EXOC6: variants seen among roughly 807,000 people sequenced by gnomAD.
The protein encoded by EXOC6 is SEC15-like 1.
In EXOC6, 60 loss-of-function variants were observed where a neutral mutation model predicts 112.5. The observed-to-expected ratio is 0.53, with a 90% confidence interval of 0.43 to 0.66. EXOC6 has a LOEUF of 0.66. Among genes scored for constraint, EXOC6 ranks in the 30% least tolerant of loss-of-function variants. The probability of loss-of-function intolerance (pLI) is 0.00; values close to 1 mark genes in which losing one functional copy is unlikely to be tolerated. For missense variants in EXOC6, 855 were observed against 957.1 expected (o/e 0.89, Z 1.41); for synonymous variants, 295 against 308.0 (o/e 0.96, Z 0.44).
intron 13 of EXOC6, among the ~76,000 whole-genome samples, chr10:92,942,546 G>A (rs1852724951): frequency 6.6e-6 from 1 of 152,082 alleles, no homozygotes; most frequent in South Asian, 2.1e-4. Flanking sequence ...TGACAGTCCT[G>A]ATGAGTCATA....
exon 1 of EXOC6, chr10:92,834,720 A>G: frequency 6.3e-7 from 1 of 1,594,224 alleles, no homozygotes; most frequent in Non-Finnish European, 8.6e-7. Context: ...CAGCTGGAAA[A>G]TTAGGGGCCT....
intron 18 of EXOC6, among the ~76,000 whole-genome samples, chr10:92,985,181 G>A (rs1427270759): frequency 6.6e-6 from 1 of 151,874 alleles, no homozygotes; most frequent in Non-Finnish European, 1.5e-5. Flanking sequence ...TTTCATTAGG[G>A]TAATTGCCTG....
chr10:92,837,349 G>C (rs886251866), intron 1 of EXOC6, among the ~76,000 whole-genome samples: 1 of 152,056 alleles, frequency 6.6e-6, no homozygotes, highest in Middle Eastern at 3.2e-3. Context: ...TTTCAGCAAA[G>C]AAGAGAAGGA....
intron 21 of EXOC6, among the ~76,000 whole-genome samples, 159 bp from the exon 22 acceptor site, chr10:93,058,064 T>C (rs1004596164): frequency 1.3e-5 from 2 of 152,234 alleles, no homozygotes; most frequent in Admixed American, 6.5e-5. Context: ...GCATGGTTAC[T>C]ATATCTGTAT....
intron 1 of EXOC6, among the ~76,000 whole-genome samples, chr10:92,838,419 T>C (rs1438875768): frequency 2.0e-5 from 3 of 152,234 alleles, no homozygotes; most frequent in Admixed American, 2.0e-4. Flanking sequence ...CCTTTGGCCC[T>C]CTTTTTGAAA....
At chr10:92,977,936 C>T (rs1423112262) in intron 18 of EXOC6, among the ~76,000 whole-genome samples, 2 of 152,138 alleles carry the variant, frequency 1.3e-5, no homozygotes, top group African/African-American at 2.4e-5. Flanking sequence ...CTAGATCACT[C>T]ATCTATCTGT....
intron 14 of EXOC6, among the ~76,000 whole-genome samples, 194 bp downstream of exon 14, chr10:92,948,573 C>CTACTACCACT (rs1554900785): frequency 7.1e-6 from 1 of 140,174 alleles, no homozygotes; most frequent in Non-Finnish European, 1.5e-5. Flanking sequence ...CTACTACTAC[C>CTACTACCACT]ACTACTACTA....
At chr10:93,018,468 T>C (rs888376254) in intron 20 of EXOC6, among the ~76,000 whole-genome samples, 1 of 152,216 alleles carries the variant, frequency 6.6e-6, no homozygotes, top group African/African-American at 2.4e-5. Context: ...TGGCATTCTG[T>C]TTTATTTCCT....
At chr10:92,915,486 G>A (rs1465602252) in intron 6 of EXOC6, among the ~76,000 whole-genome samples, 4 of 149,334 alleles carry the variant, frequency 2.7e-5, no homozygotes, top group South Asian at 4.2e-4. Flanking sequence ...GAGGATCACT[G>A]CAGCCTGGGG....
Position 92,889,617 on chromosome 10 carries a change from G to T in EXOC6, c.102-3732G>T, listed in dbSNP as rs79963091. On this transcript the variant is annotated intron_variant, in intron 1 of 21. Transcript: ENST00000260762. ...AAAATTCAGTTACTATGTTTATGTGGGTTTATTTCTGGTCTGTCTATTCTG... is the reference window on the plus strand; with the variant it reads ...AAAATTCAGTTACTATGTTTATGTGTGTTTATTTCTGGTCTGTCTATTCTG... Among the ~76,000 whole-genome samples the T allele has an allele frequency of 2.8e-3, 433 of 152,158 alleles. 1 individual carries two copies. The highest frequency in any genetic ancestry group is 0.01 in the African/African-American group (415 of 41,500).
chr10:92,975,762 G>T (rs1275152760), intron 18 of EXOC6, among the ~76,000 whole-genome samples: 1 of 95,734 alleles, frequency 1.0e-5, no homozygotes, highest in Non-Finnish European at 2.2e-5. Context: ...GCCCCCCGCC[G>T]GGCCAGCCGC....
Position 92,954,685 on chromosome 10 carries a change from A to G in EXOC6, c.1582A>G (p.Thr528Ala). 1 of 1,610,490 alleles carries G rather than the reference A, an allele frequency of 6.2e-7. No homozygotes were observed. The highest frequency in any genetic ancestry group is 8.5e-7 in the Non-Finnish European group (1 of 1,177,800). Residue 528 changes from threonine (T) to alanine (A), a missense_variant, in exon 16 of 22, where the codon ACT becomes GCT. By Grantham distance (58) the Thr-to-Ala change is moderately conservative. Around this residue, in one of 2 missense-constraint regions of EXOC6, gnomAD observed 450 missense variants for 563.5 expected, o/e 0.80. Coordinates refer to ENST00000260762, the MANE Select transcript of EXOC6 (RefSeq NM_019053.6). Reference sequence around the variant, plus strand: ...ATCAACAAATCTGCTGCTGACCAGAACTTTGAGTAGCTGTTTACTGAACCT... The same window carrying G: ...ATCAACAAATCTGCTGCTGACCAGAGCTTTGAGTAGCTGTTTACTGAACCT... ...RKSTNLLLTR[T>A]LSSCLLNLIR...
At chr10:92,959,864 C>T (rs1216705077) in intron 17 of EXOC6, among the ~76,000 whole-genome samples, 3 of 152,192 alleles carry the variant, frequency 2.0e-5, no homozygotes, top group South Asian at 2.1e-4. Context: ...CAACACCAAA[C>T]GCTGACAGGG....
chr10:92,880,985 A>G (rs1018985484), intron 1 of EXOC6, among the ~76,000 whole-genome samples: 2 of 152,194 alleles, frequency 1.3e-5, no homozygotes, highest in African/African-American at 2.4e-5. Flanking sequence ...AATTCAGGAA[A>G]GACTTGGCTG....
At chr10:92,911,423 A>C (rs896472280) in intron 6 of EXOC6, among the ~76,000 whole-genome samples, 2 of 152,210 alleles carry the variant, frequency 1.3e-5, no homozygotes, top group Non-Finnish European at 2.9e-5. Flanking sequence ...GCGCTTGGTA[A>C]ATTTTTTCAG....
chr10:92,964,731 C>T (rs115717095), intron 17 of EXOC6, among the ~76,000 whole-genome samples: 1 of 152,104 alleles, frequency 6.6e-6, no homozygotes, highest in Admixed American at 6.6e-5. Context: ...AAATTATTGG[C>T]CAGTGACACT....
intron 1 of EXOC6, among the ~76,000 whole-genome samples, chr10:92,851,760 T>TA (rs933619323): frequency 1.3e-5 from 2 of 151,100 alleles, no homozygotes; most frequent in Non-Finnish European, 2.9e-5. Context: ...CTACAGACAT[T>TA]AAAAAAAGGT....
intron 17 of EXOC6, among the ~76,000 whole-genome samples, chr10:92,966,482 C>T (rs1170822741): frequency 1.2e-4 from 17 of 137,256 alleles, no homozygotes; most frequent in Admixed American, 1.2e-3. Flanking sequence ...GTTCCCCTTC[C>T]TGTGTCCATG....
At chr10:92,858,081 A>G (rs181239360) in intron 1 of EXOC6, among the ~76,000 whole-genome samples, 2 of 139,922 alleles carry the variant, frequency 1.4e-5, no homozygotes, top group East Asian at 5.5e-4. Context: ...GGGCTTCATT[A>G]TTTCTGATGA....
Sources: allele counts gnomAD v4.1 joint callset (sites outside exome capture counted in the v4.1 genomes callset), GRCh38; gene constraint gnomAD v4.1.1; regional missense constraint gnomAD v4.1.1; transcripts MANE v1.5; gene names NCBI Gene and HGNC (gene_info 2026-07-23, HGNC 2026-07-21).